ZC3H12B: variants seen among roughly 807,000 people sequenced by gnomAD.
ZC3H12B encodes the protein probable ribonuclease ZC3H12B.
A neutral mutation model predicts 43.9 loss-of-function variants in ZC3H12B; 7 were observed. That is an observed-to-expected ratio of 0.16 (90% CI 0.09 to 0.30). The LOEUF is 0.30. Among genes scored for constraint, ZC3H12B ranks in the 10% least tolerant of loss-of-function variants. ZC3H12B has a pLI of 1.00. For missense variants in ZC3H12B, 475 were observed against 670.2 expected (o/e 0.71, Z 3.22); for synonymous variants, 222 against 241.7 (o/e 0.92, Z 0.76).
chrX:65,196,764 C>T, the ZC3H12B span, among the ~76,000 whole-genome samples: 1 of 111,483 alleles, frequency 9.0e-6, no homozygotes, highest in Non-Finnish European at 1.9e-5. Flanking sequence ...CATATCACCT[C>T]CTCTTCCCTC....
the ZC3H12B span, among the ~76,000 whole-genome samples, chrX:65,196,491 A>C: frequency 9.0e-6 from 1 of 111,425 alleles, no homozygotes; most frequent in African/African-American, 3.3e-5. Flanking sequence ...GTGTTGAAGC[A>C]GTTGCTTAAG....
At chrX:65,384,397 G>A (rs2066491608) in intron 2 of ZC3H12B, among the ~76,000 whole-genome samples, 1 of 111,152 alleles carries the variant, frequency 9.0e-6, no homozygotes, top group Admixed American at 9.7e-5. Flanking sequence ...AGCATTGGGA[G>A]ATATACCTAA....
chrX:65,151,733 A>C, the ZC3H12B span, among the ~76,000 whole-genome samples: 1 of 111,791 alleles, frequency 8.9e-6, no homozygotes, highest in Non-Finnish European at 1.9e-5. Flanking sequence ...CTCATTTATG[A>C]GGCCAGCATC....
the ZC3H12B span, among the ~76,000 whole-genome samples, chrX:65,328,857 G>C: frequency 9.2e-6 from 1 of 108,578 alleles, no homozygotes; most frequent in Admixed American, 9.9e-5. Context: ...CTTCATCCAT[G>C]TCCCTACAAA....
At chrX:65,428,095 C>A (rs1343456925) in intron 3 of ZC3H12B, among the ~76,000 whole-genome samples, 2 of 112,172 alleles carry the variant, frequency 1.8e-5, no homozygotes, top group Non-Finnish European at 3.8e-5. Flanking sequence ...GGCCTACAAT[C>A]TCTCCTGGCT....
At chrX:65,502,181 C>T in exon 5 of ZC3H12B, 1 of 1,211,425 alleles carries the variant, frequency 8.3e-7, no homozygotes, top group Non-Finnish European at 1.1e-6. Flanking sequence ...CAGCCCAGTG[C>T]CAGGATCCTC....
chrX:65,215,739 G>A, the ZC3H12B span, among the ~76,000 whole-genome samples: 2 of 111,807 alleles, frequency 1.8e-5, no homozygotes, highest in African/African-American at 3.2e-5. Flanking sequence ...TTTGGCAGAA[G>A]AGGCCTAGCT....
intron 3 of ZC3H12B, among the ~76,000 whole-genome samples, chrX:65,475,747 G>T (rs2067983845): frequency 8.9e-6 from 1 of 112,002 alleles, no homozygotes; most frequent in African/African-American, 3.2e-5. Flanking sequence ...TGTCTTACAT[G>T]GCGGCAGGCA....
At chrX:65,412,488 G>C (rs1465832156) in intron 3 of ZC3H12B, among the ~76,000 whole-genome samples, 1 of 111,451 alleles carries the variant, frequency 9.0e-6, no homozygotes, top group East Asian at 2.8e-4. Context: ...ACAGGGCACA[G>C]GGTTTCACTC....
the ZC3H12B span, among the ~76,000 whole-genome samples, chrX:65,149,080 C>T: frequency 9.0e-6 from 1 of 111,687 alleles, no homozygotes; most frequent in Non-Finnish European, 1.9e-5. Flanking sequence ...GAAGGAGAGA[C>T]TACCTGGCCA....
chrX:65,413,662 C>T (rs999852316), intron 3 of ZC3H12B, among the ~76,000 whole-genome samples: 2 of 112,188 alleles, frequency 1.8e-5, no homozygotes, highest in Admixed American at 1.9e-4. Context: ...TATGGTACCA[C>T]GCTGTTATGA....
the ZC3H12B span, among the ~76,000 whole-genome samples, chrX:65,316,876 A>T: frequency 8.9e-6 from 1 of 111,784 alleles, no homozygotes; most frequent in South Asian, 3.7e-4. Flanking sequence ...ATCAAGACCC[A>T]AGGTTATACT....
chrX:65,408,195 C>T (rs975845530), intron 3 of ZC3H12B: 8 of 1,195,902 alleles, frequency 6.7e-6, no homozygotes, highest in African/African-American at 1.7e-5. Context: ...TTCCTGCAGG[C>T]GCAGTATCAC....
chrX:65,118,030 G>C, the ZC3H12B span, among the ~76,000 whole-genome samples: 1 of 111,789 alleles, frequency 8.9e-6, no homozygotes, highest in Non-Finnish European at 1.9e-5. Context: ...GCTTAGGATT[G>C]TCTTGGCAAT....
chrX:65,153,087 A>G, the ZC3H12B span, among the ~76,000 whole-genome samples: 1 of 112,051 alleles, frequency 8.9e-6, no homozygotes, highest in Non-Finnish European at 1.9e-5. Flanking sequence ...TTAATTCAAG[A>G]TGGATGAAAC....
the ZC3H12B span, among the ~76,000 whole-genome samples, chrX:65,217,846 A>C: frequency 1.8e-5 from 2 of 111,868 alleles, no homozygotes; most frequent in Non-Finnish European, 3.8e-5. Context: ...TATTGGCCTT[A>C]AAGAGGATAT....
the ZC3H12B span, among the ~76,000 whole-genome samples, chrX:65,079,566 A>G: frequency 2.7e-5 from 3 of 112,583 alleles, no homozygotes; most frequent in East Asian, 8.4e-4. Context: ...AAGGGAAAAG[A>G]ACAAGTATTT....
the ZC3H12B span, among the ~76,000 whole-genome samples, chrX:65,159,081 G>T: frequency 1.8e-5 from 2 of 111,673 alleles, no homozygotes; most frequent in Non-Finnish European, 3.8e-5. Flanking sequence ...TCAAATGGTT[G>T]TAGATATGCG....
the ZC3H12B span, among the ~76,000 whole-genome samples, chrX:65,207,488 T>C: frequency 9.2e-6 from 1 of 108,999 alleles, no homozygotes; most frequent in South Asian, 4.0e-4. Context: ...TGAAGGAAAA[T>C]GGTGGGAAGG....
Sources: allele counts gnomAD v4.1 joint callset (sites outside exome capture counted in the v4.1 genomes callset), GRCh38; gene constraint gnomAD v4.1.1; transcripts MANE v1.5; gene names NCBI Gene and HGNC (gene_info 2026-07-23, HGNC 2026-07-21).